The following MEI4 variants were observed in gnomAD, a reference collection of about 807,000 sequenced individuals.
The protein encoded by MEI4 is meiosis-specific protein MEI4.
MEI4 carries 27 observed loss-of-function variants against 31.4 expected under a neutral mutation model. The observed-to-expected ratio is 0.86, with a 90% CI of 0.63 to 1.19. The LOEUF is 1.19. Among genes scored for constraint, MEI4 ranks in the 50% most tolerant of loss-of-function variants. The pLI is 0.00. For missense variants in MEI4, 329 were observed against 398.9 expected, an observed-to-expected ratio of 0.82 and a Z score of 1.49; for synonymous variants, 122 against 145.4, an observed-to-expected ratio of 0.84 and a Z score of 1.16.
intron 2 of MEI4, among the ~76,000 whole-genome samples, chr6:77,734,111 TG>T (rs1767103445): frequency 6.6e-6 from 1 of 151,982 alleles, no homozygotes; most frequent in African/African-American, 2.4e-5. Flanking sequence ...TCTGTTGATT[TG>T]GGGTGGAGAG....
rs988081726 is a variant in MEI4, at chr6:77,742,654, G to A, written c.233-18476G>A. On this transcript the variant is annotated intron_variant, in intron 2 of 4. Transcript: ENST00000684080. The stretch of plus-strand genomic sequence containing the variant: ...ATCCCATTTGTCAATTTTGGCTTTT[G>A]TTGCCATTGCTTTTGGTGTTTTAGA... Among the ~76,000 whole-genome samples, 7 of 152,160 alleles carry A rather than the reference G, an allele frequency of 4.6e-5. No homozygotes were observed. The East Asian group carries it at 7.7e-4, about 17-fold the overall frequency.
Position 77,691,017 on chromosome 6 carries a change from C to T in MEI4, c.232+114C>T, listed in dbSNP as rs9448149. On this transcript the variant is annotated intron_variant, in intron 2 of 4. Transcript: ENST00000684080. The stretch of plus-strand genomic sequence containing the variant: ...AAAATTTTTAGTTTCCATGAAAGCT[C>T]GACATCTTCTAGCCTTATACATTTT... 3.6e-3 allele frequency: 1,706 copies of T among 470,596 alleles called. 15 individuals are homozygous for T. The highest frequency in any genetic ancestry group is 0.027 in the African/African-American group (1,343 of 49,966). The allele number at this position is 470,596 out of a possible 1,614,324, so 29.2% of individuals were successfully genotyped here. A position where few individuals can be genotyped will look rare whatever the true frequency, so the allele number is the denominator to read the frequency against.
At chr6:77,873,978 G>A (rs901221000) in intron 4 of MEI4, among the ~76,000 whole-genome samples, 2 of 152,142 alleles carry the variant, frequency 1.3e-5, no homozygotes, top group Non-Finnish European at 2.9e-5. Flanking sequence ...CTGTTTTGGT[G>A]CCAGTACCAT....
At chr6:77,675,840 G>A (rs1329634539) in intron 1 of MEI4, among the ~76,000 whole-genome samples, 3 of 151,528 alleles carry the variant, frequency 2.0e-5, no homozygotes, top group Admixed American at 6.6e-5. Flanking sequence ...TATAATGAAG[G>A]AAGAAGAAGC....
At chr6:77,678,216 A>C (rs1768880605) in intron 1 of MEI4, among the ~76,000 whole-genome samples, 1 of 152,224 alleles carries the variant, frequency 6.6e-6, no homozygotes, top group Admixed American at 6.5e-5. Flanking sequence ...TGCGTAATAC[A>C]AATGGCATTA....
At chr6:77,656,368 T>A (rs889418557) in intron 1 of MEI4, among the ~76,000 whole-genome samples, 1 of 152,168 alleles carries the variant, frequency 6.6e-6, no homozygotes, top group Non-Finnish European at 1.5e-5. Flanking sequence ...GGGCATATTT[T>A]AAAAATTCTC....
At chr6:77,765,316 AT>A (rs1049808824) in intron 3 of MEI4, among the ~76,000 whole-genome samples, 2 of 151,936 alleles carry the variant, frequency 1.3e-5, no homozygotes, top group African/African-American at 2.4e-5. Context: ...AACGTGAGAT[AT>A]TTTTTTGAAT....
At chr6:77,697,550 G>T (rs1766083705) in intron 2 of MEI4, among the ~76,000 whole-genome samples, 1 of 152,172 alleles carries the variant, frequency 6.6e-6, no homozygotes, top group African/African-American at 2.4e-5. Context: ...GAAGCATGTT[G>T]TTCAGTTTCC....
chr6:77,670,027 C>T (rs556377792), intron 1 of MEI4, among the ~76,000 whole-genome samples: 32 of 152,258 alleles, frequency 2.1e-4, no homozygotes, highest in African/African-American at 7.5e-4. Flanking sequence ...TCAGACAGAT[C>T]CATGCAGCTT....
chr6:77,912,554 T>TG (rs1004020272), intron 4 of MEI4, among the ~76,000 whole-genome samples: 25 of 152,084 alleles, frequency 1.6e-4, no homozygotes, highest in African/African-American at 5.3e-4. Context: ...ATGTTTTTTT[T>TG]GGGGGGTAAT....
intron 4 of MEI4, among the ~76,000 whole-genome samples, chr6:77,862,395 C>A (rs141083119): frequency 6.6e-6 from 1 of 152,222 alleles, no homozygotes; most frequent in Non-Finnish European, 1.5e-5. Flanking sequence ...GCTTTTCCAA[C>A]GGTCTTAGCA....
chr6:77,847,593 A>G lies in MEI4; in HGVS notation c.900+18531A>G, dbSNP rs1049043980. Among the ~76,000 whole-genome samples the G allele has an allele frequency of 2.6e-5, 4 of 152,286 alleles. No individual in the cohort carries two copies. The South Asian group carries it at 6.2e-4, about 24-fold the overall frequency. ...TTGTTCAGAATAATTTTCTGATGCA[A>G]TCGAAACCTAATGCCTTCTATGAAG... On this transcript the variant is annotated intron_variant, in intron 4 of 4. Coordinates refer to ENST00000684080, the MANE Select transcript of MEI4 (RefSeq NM_001322247.2). This position sits in a 1 kb window ranked among gnomAD's most constrained non-coding sequence, Gnocchi z 4.6.
At chr6:77,665,907 C>A (rs1425156595) in intron 1 of MEI4, among the ~76,000 whole-genome samples, 1 of 152,090 alleles carries the variant, frequency 6.6e-6, no homozygotes, top group African/African-American at 2.4e-5. Context: ...GACCTGAGGT[C>A]GTAGGTGGAT....
At chr6:77,752,709 C>T (rs923646209) in intron 2 of MEI4, among the ~76,000 whole-genome samples, 3 of 152,096 alleles carry the variant, frequency 2.0e-5, no homozygotes, top group Non-Finnish European at 4.4e-5. Context: ...TTCAGTGTAT[C>T]CCCATTAAGC....
At chr6:77,686,811 ATCC>A (rs1448138071) in intron 1 of MEI4, among the ~76,000 whole-genome samples, 1 of 150,820 alleles carries the variant, frequency 6.6e-6, no homozygotes, top group Non-Finnish European at 1.5e-5. Context: ...TTAGGAAAAT[ATCC>A]TCCTGAATGG....
intron 2 of MEI4, among the ~76,000 whole-genome samples, chr6:77,695,016 A>T (rs1765983055): frequency 6.6e-6 from 1 of 152,090 alleles, no homozygotes; most frequent in African/African-American, 2.4e-5. Context: ...ATGGCCAGTG[A>T]TGATGAGCAT....
intron 4 of MEI4, among the ~76,000 whole-genome samples, chr6:77,893,826 T>C (rs1766021534): frequency 6.6e-6 from 1 of 152,146 alleles, no homozygotes; most frequent in Non-Finnish European, 1.5e-5. Flanking sequence ...ATAGGAAGAT[T>C]ATAAAAATAG....
chr6:77,660,333 G>T (rs1414217859), intron 1 of MEI4, among the ~76,000 whole-genome samples: 2 of 152,092 alleles, frequency 1.3e-5, no homozygotes, highest in African/African-American at 4.8e-5. Flanking sequence ...CTTCATCAGG[G>T]TGGAAATATT....
At chr6:77,706,998 C>T (rs978929003) in intron 2 of MEI4, among the ~76,000 whole-genome samples, 10 of 150,582 alleles carry the variant, frequency 6.6e-5, no homozygotes, top group Admixed American at 1.3e-4. Context: ...AACAATGTGA[C>T]GTTGCTATAA....
Sources: gnomAD v4.1 joint callset for allele counts (sites outside exome capture counted in the v4.1 genomes callset) on GRCh38, gnomAD v4.1.1 for gene constraint, Gnocchi (gnomAD v3.1) non-coding constraint, MANE v1.5 for transcripts, NCBI Gene and HGNC (gene_info 2026-07-23, HGNC 2026-07-21) for gene names.